Variants in PKIA observed in about 807,000 individuals in gnomAD.
PKIA encodes the protein cAMP-dependent protein kinase inhibitor alpha.
PKIA carries 4 observed loss-of-function variants against 7.6 expected under a neutral mutation model. The ratio of observed to expected loss-of-function variants is 0.52; its 90% CI spans 0.26 to 1.20. The LOEUF (loss-of-function observed/expected upper bound fraction) is 1.20, where lower values mean the gene tolerates loss of function less well. Ranked by LOEUF, PKIA falls within the 50% of genes most tolerant of loss-of-function variation. PKIA has a pLI of 0.13. For missense variants in PKIA, 73 were observed against 86.2 expected, an observed-to-expected ratio of 0.85 and a Z score of 0.61; for synonymous variants, 21 against 30.7, an observed-to-expected ratio of 0.68 and a Z score of 1.04.
intron 2 of PKIA, 73 bp from the exon 3 acceptor site, chr8:78,598,285 T>C: frequency 1.1e-6 from 1 of 878,074 alleles, no homozygotes; most frequent in South Asian, 1.8e-5. Flanking sequence ...CACATTCATA[T>C]ACTAAGTCGG....
At chr8:78,570,325 A>C (rs1485582584) in intron 1 of PKIA, among the ~76,000 whole-genome samples, 1 of 152,186 alleles carries the variant, frequency 6.6e-6, no homozygotes, top group Non-Finnish European at 1.5e-5. Context: ...GAGAAACACC[A>C]ATTCAAATGA....
At chr8:78,588,566 A>G (rs1235351815) in intron 2 of PKIA, among the ~76,000 whole-genome samples, 2 of 152,158 alleles carry the variant, frequency 1.3e-5, no homozygotes, top group Non-Finnish European at 2.9e-5. Context: ...TGAAAAGACT[A>G]TTGCAAGAGT....
intron 2 of PKIA, among the ~76,000 whole-genome samples, chr8:78,596,834 G>A (rs1362478788): frequency 6.6e-6 from 1 of 152,106 alleles, no homozygotes; most frequent in Non-Finnish European, 1.5e-5. Context: ...AATTGAAATT[G>A]ACTTAGTCCT....
chr8:78,600,279 A>G (rs761697698), intron 3 of PKIA, among the ~76,000 whole-genome samples: 74 of 151,928 alleles, frequency 4.9e-4, no homozygotes, highest in Non-Finnish European at 9.4e-4. Flanking sequence ...CGTCACTAAG[A>G]ATTGTGAGGA....
chr8:78,541,319 G>C (rs573694397), intron 1 of PKIA, among the ~76,000 whole-genome samples: 2 of 152,108 alleles, frequency 1.3e-5, no homozygotes, highest in African/African-American at 4.8e-5. Context: ...CAACCCAATG[G>C]GTCATGCTCT....
At chr8:78,589,724 C>A (rs1808047705) in intron 2 of PKIA, among the ~76,000 whole-genome samples, 1 of 151,958 alleles carries the variant, frequency 6.6e-6, no homozygotes, top group East Asian at 1.9e-4. Context: ...CCAGGTTTAC[C>A]TAAGAATGTA....
intron 1 of PKIA, among the ~76,000 whole-genome samples, chr8:78,553,316 TC>T (rs1807034656): frequency 1.3e-5 from 2 of 151,980 alleles, no homozygotes; most frequent in Non-Finnish European, 2.9e-5. Flanking sequence ...AGGCAGAGAA[TC>T]CCGGCTTGGA....
intron 2 of PKIA, among the ~76,000 whole-genome samples, chr8:78,592,889 A>T (rs1424237039): frequency 6.6e-6 from 1 of 152,232 alleles, no homozygotes; most frequent in South Asian, 2.1e-4. Flanking sequence ...ATGTATTATC[A>T]TGGCAGTTAG....
intron 1 of PKIA, among the ~76,000 whole-genome samples, chr8:78,570,159 G>C (rs1346178641): frequency 6.6e-6 from 1 of 152,012 alleles, no homozygotes; most frequent in Non-Finnish European, 1.5e-5. Flanking sequence ...AATGGCAAAA[G>C]ACATAAACGT....
At chr8:78,564,211 T>C (rs962343325) in intron 1 of PKIA, among the ~76,000 whole-genome samples, 3 of 151,892 alleles carry the variant, frequency 2.0e-5, no homozygotes, top group Admixed American at 2.0e-4. Flanking sequence ...GGCCCTTAAG[T>C]AGAATGAGAA....
chr8:78,586,249 A>G (rs1221141624), intron 2 of PKIA, among the ~76,000 whole-genome samples: 2 of 152,212 alleles, frequency 1.3e-5, no homozygotes, highest in Non-Finnish European at 2.9e-5. Flanking sequence ...ATTAAAATGT[A>G]TCCAAATCAC....
intron 1 of PKIA, among the ~76,000 whole-genome samples, chr8:78,527,491 G>A (rs1156580521): frequency 6.6e-6 from 1 of 151,946 alleles, no homozygotes; most frequent in African/African-American, 2.4e-5. Context: ...GGAAAAGCAT[G>A]TGAAAAATCT....
intron 2 of PKIA, among the ~76,000 whole-genome samples, chr8:78,580,729 A>G (rs903743227): frequency 6.6e-6 from 1 of 152,004 alleles, no homozygotes; most frequent in Non-Finnish European, 1.5e-5. Context: ...AGGGAGATTG[A>G]TCTAATAAGT....
In PKIA at chr8:78,566,935, C is replaced by CT. The variant is rs531523918; in HGVS notation, c.-156-5874dup. On this transcript the variant is annotated intron_variant, in intron 1 of 3. Transcript: ENST00000396418. ...AAAAACATGTTACCAGGAATTATTG[C>CT]TTATTGAATTGGAATTACCAACCAT... 2.6e-3 allele frequency among the ~76,000 whole-genome samples: 389 copies of CT among 152,132 alleles called. 3 individuals are homozygous for CT. Among genetic ancestry groups the CT allele is most frequent in the African/African-American group, 9.1e-3 (379 of 41,532 alleles).
chr8:78,591,885 A>G (rs1450457911), intron 2 of PKIA, among the ~76,000 whole-genome samples: 1 of 152,170 alleles, frequency 6.6e-6, no homozygotes, highest in African/African-American at 2.4e-5. Flanking sequence ...TTATAAAGTC[A>G]GAATATGTGC....
At chr8:78,550,681 T>C (rs1585889817) in intron 1 of PKIA, among the ~76,000 whole-genome samples, 1 of 152,072 alleles carries the variant, frequency 6.6e-6, no homozygotes, top group Non-Finnish European at 1.5e-5. Context: ...TTTTCATAGG[T>C]TTTTGGGAGA....
chr8:78,557,101 A>G (rs1807159265), intron 1 of PKIA, among the ~76,000 whole-genome samples: 1 of 152,112 alleles, frequency 6.6e-6, no homozygotes, highest in Non-Finnish European at 1.5e-5. Context: ...CATCTCACCA[A>G]CTTCACAGTC....
At chr8:78,539,256 G>A (rs1806612865) in intron 1 of PKIA, among the ~76,000 whole-genome samples, 1 of 152,044 alleles carries the variant, frequency 6.6e-6, no homozygotes, top group South Asian at 2.1e-4. Context: ...TAATTCTTTT[G>A]TCACATGAGG....
chr8:78,521,152 T>C (rs1240507901), intron 1 of PKIA, among the ~76,000 whole-genome samples: 1 of 152,154 alleles, frequency 6.6e-6, no homozygotes, highest in Non-Finnish European at 1.5e-5. Context: ...TTAAGAGTAT[T>C]GTACTACCAC....
Sources: allele counts gnomAD v4.1 joint callset (sites outside exome capture counted in the v4.1 genomes callset), GRCh38; gene constraint gnomAD v4.1.1; transcripts MANE v1.5; gene names NCBI Gene and HGNC (gene_info 2026-07-23, HGNC 2026-07-21).